CADM3: variants seen among roughly 807,000 people sequenced by gnomAD.
CADM3 encodes the protein cell adhesion molecule 3, also known as TSLC1-like 1.
In CADM3, 11 loss-of-function variants were observed where a neutral mutation model predicts 44.9. The observed-to-expected ratio is 0.25, with a 90% CI of 0.15 to 0.41. The LOEUF (loss-of-function observed/expected upper bound fraction) is 0.41, where lower values mean the gene tolerates loss of function less well. Among genes scored for constraint, CADM3 ranks in the 10% least tolerant of loss-of-function variants. CADM3 has a pLI of 1.00. For synonymous variants in CADM3, 207 were observed against 205.2 expected (o/e 1.01, Z -0.08); for missense variants, 426 against 512.0 (o/e 0.83, Z 1.62).
chr1:159,197,243 C>G, intron 7 of CADM3, 183 bp downstream of exon 7: 1 of 573,884 alleles, frequency 1.7e-6, no homozygotes, highest in Non-Finnish European at 3.1e-6. Flanking sequence ...GTGTAATGGC[C>G]GCTTAGTGAA....
At chr1:159,184,824 G>A (rs2102108221) in intron 1 of CADM3, among the ~76,000 whole-genome samples, 1 of 152,274 alleles carries the variant, frequency 6.6e-6, no homozygotes, top group African/African-American at 2.4e-5. Context: ...TGTGCTATGA[G>A]TGAAAAACTG....
In CADM3 at chr1:159,192,621, C is replaced by T. The variant is rs769161367; in HGVS notation, c.273C>T (p.His91=). 23 of 1,614,070 alleles carry T rather than the reference C, an allele frequency of 1.4e-5. No homozygotes were observed. Among genetic ancestry groups the T allele is most frequent in the East Asian group, 8.9e-5 (4 of 44,898 alleles). ...NRIQLVTSTP[H]ELSISISNVA... The stretch of plus-strand genomic sequence containing the variant: ...TTCAGCTGGTTACCTCTACGCCCCA[C>T]GAGCTCAGCATCAGCATCAGCAATG... The change falls in exon 3 of 9, where the codon CAC becomes CAT. Residue 91 remains histidine (H), a synonymous_variant. Coordinates refer to ENST00000368125, the MANE Select transcript of CADM3 (RefSeq NM_001127173.3).
chr1:159,186,201 A>G (rs993286936), intron 1 of CADM3, among the ~76,000 whole-genome samples: 4 of 152,238 alleles, frequency 2.6e-5, no homozygotes, highest in African/African-American at 9.6e-5. Flanking sequence ...CCTGGAATGC[A>G]GGGTGAGTGG....
intron 1 of CADM3, among the ~76,000 whole-genome samples, chr1:159,172,576 G>A (rs930502649): frequency 2.0e-5 from 3 of 152,098 alleles, no homozygotes; most frequent in Admixed American, 2.0e-4. Flanking sequence ...GTGGGGGTAG[G>A]GGGGAGCGCA....
chr1:159,193,308 A>T (rs996905379), intron 3 of CADM3, 115 bp from the exon 4 acceptor site: 28 of 1,110,964 alleles, frequency 2.5e-5, no homozygotes, highest in Non-Finnish European at 3.0e-5. Context: ...TCTTCTACCC[A>T]TCAGAAATTA....
At chr1:159,196,667 A>T in intron 6 of CADM3, 2 of 637,904 alleles carry the variant, frequency 3.1e-6, no homozygotes, top group South Asian at 4.0e-5. Context: ...AGTTTCCCAC[A>T]AAGGCCAAGT....
intron 7 of CADM3, chr1:159,197,274 T>A (rs995314241): frequency 8.0e-6 from 4 of 502,418 alleles, no homozygotes; most frequent in East Asian, 6.7e-5. Context: ...AAGGGTGGGC[T>A]CTCATCTGCC....
Position 159,193,447 on chromosome 1 carries a change from C to A in CADM3, c.407C>A (p.Thr136Asn). ...VLGIPQKPIITGYKSSLREKD... is the reference protein window; with the variant it reads ...VLGIPQKPIINGYKSSLREKD... Reference sequence around the variant, plus strand: ...GGAATTCCACAGAAGCCCATCATCACTGGTTATAAATCTTCATTACGGGAA... The same window carrying A: ...GGAATTCCACAGAAGCCCATCATCAATGGTTATAAATCTTCATTACGGGAA... Residue 136 changes from threonine (T) to asparagine (N), a missense_variant, in exon 4 of 9, where the codon ACT (threonine) becomes AAT (asparagine). By Grantham distance (65) the Thr-to-Asn change is moderately conservative. Transcript: ENST00000368125. The A allele has an allele frequency of 6.2e-7, 1 of 1,606,574 alleles. No homozygotes were observed. The highest frequency in any genetic ancestry group is 8.5e-7 in the Non-Finnish European group (1 of 1,174,496).
chr1:159,186,792 A>C (rs1649436644), intron 1 of CADM3, among the ~76,000 whole-genome samples: 1 of 152,204 alleles, frequency 6.6e-6, no homozygotes, highest in Non-Finnish European at 1.5e-5. Context: ...TCAAACTTAG[A>C]GGGAGAAATG....
In CADM3 at chr1:159,194,059, G is replaced by T. The variant is rs1198161588; in HGVS notation, c.691+19G>T. The stretch of plus-strand genomic sequence containing the variant: ...GTTTTATGTATGTCATGGGCTTGGG[G>T]ATGAAGAAGGATGAGGTATGAGATG... On this transcript the variant is annotated intron_variant, in intron 5 of 8. Transcript: ENST00000368125. 3.1e-6 allele frequency: 5 copies of T among 1,605,296 alleles called. No individual in the cohort carries two copies. The highest frequency in any genetic ancestry group is 4.3e-6 in the Non-Finnish European group (5 of 1,174,004).
At chr1:159,190,122 C>A (rs890773048) in intron 1 of CADM3, among the ~76,000 whole-genome samples, 2 of 152,084 alleles carry the variant, frequency 1.3e-5, no homozygotes, top group African/African-American at 4.8e-5. Context: ...TAAAATGATT[C>A]CAGGGGAATA....
intron 1 of CADM3, among the ~76,000 whole-genome samples, 200 bp from the exon 2 acceptor site, chr1:159,191,736 G>A (rs1363964390): frequency 6.6e-6 from 1 of 152,118 alleles, no homozygotes; most frequent in African/African-American, 2.4e-5. Context: ...TGTATTCAAA[G>A]TAAGTAAAAC....
At position 159,201,621 on chromosome 1, in the gene CADM3, C is replaced by T. The variant is rs987393967; in HGVS notation, c.*699C>T. 6.6e-6 allele frequency: 1 copy of T among 152,240 alleles called. No homozygotes were observed. The highest frequency in any genetic ancestry group is 1.5e-5 in the Non-Finnish European group (1 of 68,100). 9.4% of individuals were successfully genotyped at this position (152,240 alleles called of 1,614,324 possible). ...CTGTAACCTGGGGAGGACGCGGGTC[C>T]CTGCAAGGAAGAGTAGATTTGGAGA... On this transcript the variant is annotated 3_prime_UTR_variant, in exon 9 of 9. Transcript: ENST00000368125.
rs1235558035 is a variant in CADM3, at chr1:159,191,954, C to T, written c.107C>T (p.Ser36Phe). The T allele has an allele frequency of 1.2e-6, 2 of 1,614,116 alleles. No individual in the cohort carries two copies. Among genetic ancestry groups the T allele is most frequent in the Admixed American group, 1.7e-5 (1 of 60,028 alleles). Reference sequence around the variant, plus strand: ...CCTGCAGACAGCCAGCCCTGGACATCTGATGAAACAGTGGTGGCTGGTGGC... The same window carrying T: ...CCTGCAGACAGCCAGCCCTGGACATTTGATGAAACAGTGGTGGCTGGTGGC... ...LSQDDSQPWTSDETVVAGGTV... is the reference protein window; with the variant it reads ...LSQDDSQPWTFDETVVAGGTV... The change falls in exon 2 of 9, where the codon TCT becomes TTT. Residue 36 changes from serine to phenylalanine, a missense_variant. By Grantham distance (155) the Ser-to-Phe change is radical. This residue lies in a region of CADM3 where 362 missense variants were observed against 474.6 expected (regional missense o/e 0.76). Coordinates refer to ENST00000368125, the MANE Select transcript of CADM3 (RefSeq NM_001127173.3).
At chr1:159,193,072 T>G (rs1489172561) in intron 3 of CADM3, among the ~76,000 whole-genome samples, 1 of 152,216 alleles carries the variant, frequency 6.6e-6, no homozygotes, top group Non-Finnish European at 1.5e-5. Flanking sequence ...GTACCCCAGT[T>G]GCTTACATGC....
At chr1:159,189,851 C>A in intron 1 of CADM3, 1 of 1,603,480 alleles carries the variant, frequency 6.2e-7, no homozygotes, top group Non-Finnish European at 8.5e-7. Flanking sequence ...CTGGAGCAGC[C>A]CTGACATGCT....
chr1:159,178,066 A>AGATTACTT (rs1435091156), intron 1 of CADM3, among the ~76,000 whole-genome samples: 2 of 152,152 alleles, frequency 1.3e-5, no homozygotes, highest in Non-Finnish European at 1.5e-5. Context: ...CGTTATCTCT[A>AGATTACTT]GATTACTTAT....
intron 1 of CADM3, among the ~76,000 whole-genome samples, chr1:159,182,065 C>G (rs1303329756): frequency 1.4e-5 from 2 of 142,428 alleles, no homozygotes; most frequent in African/African-American, 2.6e-5. Flanking sequence ...CAGACACACA[C>G]ACACACACAC....
chr1:159,196,549 C>A, intron 6 of CADM3, 95 bp downstream of exon 6: 1 of 966,450 alleles, frequency 1.0e-6, no homozygotes, highest in Non-Finnish European at 1.6e-6. Flanking sequence ...TCTGTATTGT[C>A]TGACCTGAGC....
Sources: gnomAD v4.1 joint callset for allele counts (sites outside exome capture counted in the v4.1 genomes callset) on GRCh38, gnomAD v4.1.1 for gene constraint, gnomAD v4.1.1 regional missense constraint, MANE v1.5 for transcripts, NCBI Gene and HGNC (gene_info 2026-07-23, HGNC 2026-07-21) for gene names.